DLGAP2: variants seen among roughly 807,000 people sequenced by gnomAD.
DLGAP2 encodes the protein disks large-associated protein 2.
Under a neutral mutation model 100.3 loss-of-function variants are expected in DLGAP2, and 26 were observed. The observed-to-expected ratio is 0.26, with a 90% CI of 0.19 to 0.36. The LOEUF (loss-of-function observed/expected upper bound fraction) is 0.36. Among genes scored for constraint, DLGAP2 ranks in the 10% least tolerant of loss-of-function variants. The pLI is 1.00. For synonymous variants in DLGAP2, 886 were observed against 630.1 expected (o/e 1.41, Z -6.08); for missense variants, 1,858 against 1,453.2 (o/e 1.28, Z -4.53).
intron 3 of DLGAP2, among the ~76,000 whole-genome samples, chr8:1,492,948 C>A (rs765359919): frequency 1.9e-4 from 29 of 152,310 alleles, no homozygotes; most frequent in Non-Finnish European, 3.5e-4. Flanking sequence ...CCACTGCCAT[C>A]CCACCTACGC....
At chr8:1,342,779 G>A (rs536211781) in intron 3 of DLGAP2, among the ~76,000 whole-genome samples, 64 of 152,248 alleles carry the variant, frequency 4.2e-4, no homozygotes, top group African/African-American at 1.4e-3. Flanking sequence ...TTGAAGTGCC[G>A]GAAAGACTCA....
chr8:1,518,933 T>G (rs957099935), intron 4 of DLGAP2, among the ~76,000 whole-genome samples: 2 of 152,170 alleles, frequency 1.3e-5, no homozygotes, highest in Non-Finnish European at 2.9e-5. Context: ...TCTGCGTGGC[T>G]AAGATGAGAC....
intron 2 of DLGAP2, among the ~76,000 whole-genome samples, chr8:1,256,949 A>G (rs970161359): frequency 6.6e-6 from 1 of 151,824 alleles, no homozygotes; most frequent in Non-Finnish European, 1.5e-5. Flanking sequence ...GGCCTGCCCC[A>G]TTCCTTTCAC....
chr8:1,365,578 C>G (rs925973325), intron 3 of DLGAP2, among the ~76,000 whole-genome samples: 2 of 152,202 alleles, frequency 1.3e-5, no homozygotes, highest in Non-Finnish European at 2.9e-5. Flanking sequence ...TAAAATAATT[C>G]TTGCCACACT....
chr8:1,275,288 C>T (rs985623039), intron 3 of DLGAP2, among the ~76,000 whole-genome samples: 7 of 151,608 alleles, frequency 4.6e-5, no homozygotes, highest in Non-Finnish European at 7.4e-5. Flanking sequence ...AGTGAGGCAT[C>T]GTAGCTTACT....
intron 3 of DLGAP2, among the ~76,000 whole-genome samples, chr8:1,348,730 C>A (rs984179611): frequency 2.6e-5 from 4 of 152,224 alleles, no homozygotes; most frequent in Admixed American, 6.5e-5. Flanking sequence ...GGTTGAGTGC[C>A]CATGCTCTGC....
intron 1 of DLGAP2, among the ~76,000 whole-genome samples, chr8:810,059 G>C (rs1023944987): frequency 6.6e-6 from 1 of 152,192 alleles, no homozygotes; most frequent in African/African-American, 2.4e-5. Flanking sequence ...CAGCACGACT[G>C]GGGGTGTGAG....
At chr8:1,139,018 CT>C (rs1796474172) in intron 2 of DLGAP2, among the ~76,000 whole-genome samples, 2 of 152,278 alleles carry the variant, frequency 1.3e-5, no homozygotes, top group African/African-American at 4.8e-5. Flanking sequence ...CCTCAGCCCC[CT>C]GGCTGGTTAC....
chr8:1,553,648 C>T (rs920449808), intron 5 of DLGAP2, among the ~76,000 whole-genome samples: 1 of 152,196 alleles, frequency 6.6e-6, no homozygotes, highest in African/African-American at 2.4e-5. Flanking sequence ...TGTTTCAGAA[C>T]CTCTCCCTGC....
intron 10 of DLGAP2, among the ~76,000 whole-genome samples, chr8:1,670,914 G>A (rs1393524444): frequency 6.6e-6 from 1 of 152,234 alleles, no homozygotes. Context: ...TTTCAGGGAG[G>A]CGTCAGGAGG....
intron 1 of DLGAP2, among the ~76,000 whole-genome samples, chr8:778,800 T>G (rs528557547): frequency 1.3e-5 from 2 of 152,214 alleles, no homozygotes; most frequent in African/African-American, 4.8e-5. Flanking sequence ...TTTTGTTTGT[T>G]TGTGCCCTGC....
chr8:1,028,395 C>G (rs1159556749), intron 2 of DLGAP2, among the ~76,000 whole-genome samples: 382 of 75,120 alleles, frequency 5.1e-3, no homozygotes, highest in Middle Eastern at 0.021. Context: ...TTCTCCAGGT[C>G]GGGTGTCAGG....
chr8:1,250,737 G>A (rs1480438490), intron 2 of DLGAP2, among the ~76,000 whole-genome samples: 1 of 152,028 alleles, frequency 6.6e-6, no homozygotes, highest in East Asian at 1.9e-4. Context: ...AAAAAAAATG[G>A]AATGAGACTT....
chr8:984,041 T>A (rs7007875), intron 2 of DLGAP2, among the ~76,000 whole-genome samples: 1 of 151,930 alleles, frequency 6.6e-6, no homozygotes, highest in South Asian at 2.1e-4. Flanking sequence ...TCCTTGGGTG[T>A]GCGGGCGGTC....
chr8:748,463 G>T (rs572920204), intron 1 of DLGAP2, among the ~76,000 whole-genome samples: 1 of 152,136 alleles, frequency 6.6e-6, no homozygotes, highest in Non-Finnish European at 1.5e-5. Flanking sequence ...CCATGTGGGC[G>T]TTGGTGGGTC....
chr8:1,217,234 G>C (rs1051308694), intron 2 of DLGAP2, among the ~76,000 whole-genome samples: 5 of 152,144 alleles, frequency 3.3e-5, no homozygotes, highest in African/African-American at 1.2e-4. Context: ...CTCTGTGTTA[G>C]TTTGCTTAGG....
At chr8:913,424 C>T (rs1386117956) in intron 2 of DLGAP2, among the ~76,000 whole-genome samples, 1 of 152,208 alleles carries the variant, frequency 6.6e-6, no homozygotes, top group Non-Finnish European at 1.5e-5. Flanking sequence ...TCTCAAAGGA[C>T]AACAGTTTGC....
At position 1,318,921 on chromosome 8, in the gene DLGAP2, T is replaced by A. The variant is rs893888572; in HGVS notation, c.106+60038T>A. 2.6e-5 allele frequency among the ~76,000 whole-genome samples: 4 copies of A among 152,030 alleles called. No individual in the cohort carries two copies. The East Asian group carries it at 7.8e-4, about 29-fold the overall frequency. Reference sequence around the variant, plus strand: ...AGTGGGTCCCCATAGATTTTAGGATTAACTCAAAACGCTCAGCATGGTTTT... The same window carrying A: ...AGTGGGTCCCCATAGATTTTAGGATAAACTCAAAACGCTCAGCATGGTTTT... On this transcript the variant is annotated intron_variant, in intron 3 of 14. Transcript: ENST00000637795.
chr8:1,255,169 G>T (rs1354600880), intron 2 of DLGAP2, among the ~76,000 whole-genome samples: 2 of 110,478 alleles, frequency 1.8e-5, no homozygotes, highest in African/African-American at 4.1e-5. Flanking sequence ...CGGGTGCTGT[G>T]TGTGTGCCCT....
Sources: gnomAD v4.1 joint callset for allele counts (sites outside exome capture counted in the v4.1 genomes callset) on GRCh38, gnomAD v4.1.1 for gene constraint, MANE v1.5 for transcripts, NCBI Gene and HGNC (gene_info 2026-07-23, HGNC 2026-07-21) for gene names.